Variants in RBPMS2 observed in about 807,000 individuals in gnomAD.
RBPMS2 encodes the protein RNA-binding protein with multiple splicing 2.
Under a neutral mutation model 25.7 loss-of-function variants are expected in RBPMS2, and 14 were observed. The ratio of observed to expected loss-of-function variants is 0.55; its 90% CI spans 0.36 to 0.85. RBPMS2 has a LOEUF of 0.85. RBPMS2 is among the 40% of genes least tolerant of loss of function. The probability of loss-of-function intolerance (pLI) is 0.01; values close to 1 mark genes in which losing one functional copy is unlikely to be tolerated. For synonymous variants in RBPMS2, 127 were observed against 115.6 expected (o/e 1.10, Z -0.63); for missense variants, 252 against 283.4 (o/e 0.89, Z 0.80).
intron 1 of RBPMS2, among the ~76,000 whole-genome samples, chr15:64,755,375 C>T (rs555602164): frequency 2.6e-5 from 4 of 152,202 alleles, no homozygotes; most frequent in Middle Eastern, 3.4e-3. Flanking sequence ...GGGAGCAGTC[C>T]GGGAGGCTAA....
rs1180435559 is a variant in RBPMS2, at chr15:64,750,326, C to G, written c.204+17G>C. On this transcript the variant is annotated intron_variant, in intron 3 of 7. Transcript: ENST00000300069. Reference sequence around the variant, plus strand: ...CGGTCTGGGCTGGGAGGAAGAAAACCCTAGGAGAGAAATTACCTGTCTTGC... The same window carrying G: ...CGGTCTGGGCTGGGAGGAAGAAAACGCTAGGAGAGAAATTACCTGTCTTGC... The G allele has an allele frequency of 4.3e-6, 7 of 1,611,562 alleles. No homozygotes were observed. The South Asian group carries it at 7.7e-5, about 18-fold the overall frequency.
chr15:64,762,899 G>C (rs1741293276), intron 1 of RBPMS2, among the ~76,000 whole-genome samples: 1 of 152,272 alleles, frequency 6.6e-6, no homozygotes, highest in South Asian at 2.1e-4. Flanking sequence ...AGAAGAGAAG[G>C]GGACAAGATG....
chr15:64,741,435 C>T (rs957177807), intron 6 of RBPMS2, among the ~76,000 whole-genome samples, 193 bp from the exon 7 acceptor site: 3 of 152,212 alleles, frequency 2.0e-5, no homozygotes, highest in African/African-American at 7.2e-5. Flanking sequence ...GCCTGATGTG[C>T]CTCCTCTGCA....
At position 64,775,326 on chromosome 15, in the gene RBPMS2, G is replaced by A; in HGVS notation, c.-7C>T. The A allele has an allele frequency of 1.5e-6, 2 of 1,294,034 alleles. No homozygotes were observed. The highest frequency in any genetic ancestry group is 2.0e-6 in the Non-Finnish European group (2 of 1,015,578). 80.2% of individuals were successfully genotyped at this position (1,294,034 alleles called of 1,614,324 possible). A position where few individuals can be genotyped will look rare whatever the true frequency, so the allele number is the denominator to read the frequency against. ...CCGGCTTCAGGTTGCTCATGGTGCG[G>A]GGGAGGGGGCGGCGGGAAGGAACGC... is the stretch of plus-strand genomic sequence containing the variant. On this transcript the variant is annotated 5_prime_UTR_variant, in exon 1 of 8. Transcript: ENST00000300069.
intron 6 of RBPMS2, among the ~76,000 whole-genome samples, chr15:64,747,003 C>T (rs997154076): frequency 2.6e-5 from 4 of 152,174 alleles, no homozygotes; most frequent in Non-Finnish European, 2.9e-5. Context: ...CCCTGCTCCC[C>T]GCTCTATTCC....
At chr15:64,753,526 C>T (rs2083702355) in intron 1 of RBPMS2, among the ~76,000 whole-genome samples, 1 of 152,208 alleles carries the variant, frequency 6.6e-6, no homozygotes, top group Non-Finnish European at 1.5e-5. Context: ...CTGCTGGTTA[C>T]TGGTGTCACC....
chr15:64,757,220 C>G (rs1360680700), intron 1 of RBPMS2, among the ~76,000 whole-genome samples: 1 of 151,550 alleles, frequency 6.6e-6, no homozygotes, highest in Non-Finnish European at 1.5e-5. Context: ...AATCCTTCTG[C>G]CCTGGCCTCC....
intron 1 of RBPMS2, among the ~76,000 whole-genome samples, chr15:64,772,321 T>C (rs1365183836): frequency 6.6e-6 from 1 of 152,192 alleles, no homozygotes; most frequent in East Asian, 1.9e-4. Flanking sequence ...GTTCATGTAC[T>C]GTATTACCTC....
At chr15:64,765,789 C>T (rs973621992) in intron 1 of RBPMS2, among the ~76,000 whole-genome samples, 2 of 152,064 alleles carry the variant, frequency 1.3e-5, no homozygotes, top group Non-Finnish European at 2.9e-5. Context: ...ACTAAAAATA[C>T]AAAAAATTAG....
chr15:64,765,208 C>G lies in RBPMS2; in HGVS notation c.87+10025G>C, dbSNP rs145554858. On this transcript the variant is annotated intron_variant, in intron 1 of 7. Transcript: ENST00000300069. ...CGCCACTGCACTCCAGCCTAGGCGACAGAGCGAGACTCTGTCTCAAAAAAA... is the reference window on the plus strand; with the variant it reads ...CGCCACTGCACTCCAGCCTAGGCGAGAGAGCGAGACTCTGTCTCAAAAAAA... Among the ~76,000 whole-genome samples, 188 of 109,488 alleles carry G rather than the reference C, an allele frequency of 1.7e-3. 5 individuals are homozygous for G. In the East Asian group the frequency reaches 0.043, roughly 25 times the overall value. 71.8% of individuals were successfully genotyped at this position (109,488 alleles called of 152,430 possible).
chr15:64,768,895 T>C (rs1218488879), intron 1 of RBPMS2, among the ~76,000 whole-genome samples: 2 of 150,514 alleles, frequency 1.3e-5, no homozygotes, highest in African/African-American at 2.4e-5. Context: ...GGTCAGGAGA[T>C]TGAGAACATC....
At chr15:64,750,462 C>T (rs2083666677) in intron 2 of RBPMS2, 81 bp from the exon 3 acceptor site, 10 of 1,218,444 alleles carry the variant, frequency 8.2e-6, no homozygotes, top group Middle Eastern at 1.9e-4. Flanking sequence ...CATCAGCCCC[C>T]GCGTTCCCCT....
intron 6 of RBPMS2, among the ~76,000 whole-genome samples, chr15:64,742,068 GC>G (rs2083567722): frequency 2.2e-5 from 1 of 46,258 alleles, no homozygotes; most frequent in East Asian, 2.8e-3. Context: ...GGAGGCTGAG[GC>G]AAGGAGAATC....
chr15:64,749,467 G>A lies in RBPMS2; in HGVS notation c.231C>T (p.Ser77=). The A allele has an allele frequency of 6.2e-7, 1 of 1,613,246 alleles. No homozygotes were observed. The change falls in exon 4 of 8, where the codon AGC becomes AGT. Residue 77 remains serine, a synonymous_variant. Transcript: ENST00000300069. ...RQPVGFVIFD[S]RAGAEAAKNA... ...TCTTGGCCGCTTCTGCTCCTGCACGGCTGTCAAAGATCACAAAACCAACAG... is the reference window on the plus strand; with the variant it reads ...TCTTGGCCGCTTCTGCTCCTGCACGACTGTCAAAGATCACAAAACCAACAG...
At chr15:64,745,006 G>A (rs1471830375) in intron 6 of RBPMS2, among the ~76,000 whole-genome samples, 6 of 151,640 alleles carry the variant, frequency 4.0e-5, no homozygotes, top group Admixed American at 3.3e-4. Context: ...TAGAGACGGG[G>A]TTTCACCGTG....
At chr15:64,755,775 T>A (rs1284771088) in intron 1 of RBPMS2, among the ~76,000 whole-genome samples, 3 of 152,108 alleles carry the variant, frequency 2.0e-5, no homozygotes, top group Admixed American at 6.5e-5. Context: ...ACCAGCCACA[T>A]GTAGGGAGGA....
At chr15:64,747,866 C>A (rs72744730) in intron 6 of RBPMS2, among the ~76,000 whole-genome samples, 3 of 152,200 alleles carry the variant, frequency 2.0e-5, no homozygotes, top group Admixed American at 6.5e-5. Context: ...CAGCGTCCAG[C>A]CTTCATGGAA....
At chr15:64,749,980 G>A (rs1378222948) in intron 3 of RBPMS2, among the ~76,000 whole-genome samples, 1 of 151,686 alleles carries the variant, frequency 6.6e-6, no homozygotes, top group African/African-American at 2.4e-5. Flanking sequence ...GCGGGCCCTG[G>A]CCTCCTTGTA....
At chr15:64,743,879 C>A (rs1419685054) in intron 6 of RBPMS2, among the ~76,000 whole-genome samples, 1 of 152,048 alleles carries the variant, frequency 6.6e-6, no homozygotes, top group East Asian at 1.9e-4. Flanking sequence ...CAGAGGTGGG[C>A]GGATCTCTTG....
Sources: gnomAD v4.1 joint callset for allele counts (sites outside exome capture counted in the v4.1 genomes callset) on GRCh38, gnomAD v4.1.1 for gene constraint, MANE v1.5 for transcripts, NCBI Gene and HGNC (gene_info 2026-07-23, HGNC 2026-07-21) for gene names.